BACH2: variants seen among roughly 807,000 people sequenced by gnomAD.
The protein encoded by BACH2 is BACH transcriptional regulator 2, also known as transcription regulator protein BACH2.
In BACH2, 5 loss-of-function variants were observed where a neutral mutation model predicts 61.8. The observed-to-expected ratio is 0.08, with a 90% CI of 0.04 to 0.17. The LOEUF is 0.17. BACH2 is among the 10% of genes least tolerant of loss of function. The pLI is 1.00. For missense variants in BACH2, 824 were observed against 1,091.1 expected (o/e 0.76, Z 3.45); for synonymous variants, 446 against 440.1 (o/e 1.01, Z -0.17).
At chr6:89,991,502 TATGTTTTC>T (rs1173769965) in intron 6 of BACH2, among the ~76,000 whole-genome samples, 1 of 152,074 alleles carries the variant, frequency 6.6e-6, no homozygotes, top group African/African-American at 2.4e-5. Flanking sequence ...CACACATGCA[TATGTTTTC>T]CCAGAACCAT....
chr6:90,155,632 TACA>T (rs1784970709), intron 4 of BACH2, among the ~76,000 whole-genome samples: 1 of 152,202 alleles, frequency 6.6e-6, no homozygotes, highest in South Asian at 2.1e-4. Context: ...ATAGGAGGCC[TACA>T]ACAAGCACCT....
At chr6:90,228,863 T>G (rs968464180) in intron 3 of BACH2, among the ~76,000 whole-genome samples, 2 of 152,216 alleles carry the variant, frequency 1.3e-5, no homozygotes, top group Non-Finnish European at 2.9e-5. Context: ...TATCACTGCA[T>G]GAGCCTAAGT....
At chr6:90,103,675 A>G (rs1285252221) in intron 4 of BACH2, among the ~76,000 whole-genome samples, 1 of 152,128 alleles carries the variant, frequency 6.6e-6, no homozygotes, top group Non-Finnish European at 1.5e-5. Context: ...TTCCTTGTGT[A>G]AACAGGTTGT....
chr6:90,213,162 A>G (rs1295141867), intron 3 of BACH2, among the ~76,000 whole-genome samples: 3 of 152,158 alleles, frequency 2.0e-5, no homozygotes, highest in African/African-American at 7.2e-5. Context: ...AGATGAGTGA[A>G]AGGTCAGGTC....
intron 4 of BACH2, among the ~76,000 whole-genome samples, chr6:90,136,078 T>C (rs1159174112): frequency 6.6e-6 from 1 of 152,180 alleles, no homozygotes; most frequent in Non-Finnish European, 1.5e-5. Context: ...CAGTTACCCT[T>C]CCTCAGACAT....
chr6:89,990,055 C>T (rs910017252), intron 6 of BACH2, among the ~76,000 whole-genome samples: 2 of 152,164 alleles, frequency 1.3e-5, no homozygotes, highest in African/African-American at 4.8e-5. Flanking sequence ...CCAGCTCAAC[C>T]TTGCGGGGCC....
At chr6:89,990,389 C>G (rs1172006624) in intron 6 of BACH2, among the ~76,000 whole-genome samples, 4 of 152,170 alleles carry the variant, frequency 2.6e-5, no homozygotes, top group African/African-American at 9.7e-5. Context: ...TAAGCTTTTG[C>G]CTTTTTCATC....
intron 4 of BACH2, among the ~76,000 whole-genome samples, chr6:90,138,631 G>A (rs1428926348): frequency 2.0e-5 from 3 of 152,058 alleles, no homozygotes; most frequent in Non-Finnish European, 4.4e-5. Flanking sequence ...ATAGCTTGGA[G>A]ATGACAAGCC....
At chr6:90,109,518 T>C (rs1783073995) in intron 4 of BACH2, among the ~76,000 whole-genome samples, 1 of 152,196 alleles carries the variant, frequency 6.6e-6, no homozygotes. Flanking sequence ...ACCTATATGC[T>C]GAAGTCTCTC....
At chr6:90,050,850 A>T (rs1780011403) in intron 5 of BACH2, among the ~76,000 whole-genome samples, 1 of 151,608 alleles carries the variant, frequency 6.6e-6, no homozygotes, top group Admixed American at 6.6e-5. Context: ...GTTCACTGCA[A>T]CCTCCATCTC....
At chr6:89,970,341 C>T (rs1340882482) in intron 6 of BACH2, among the ~76,000 whole-genome samples, 2 of 152,270 alleles carry the variant, frequency 1.3e-5, no homozygotes, top group African/African-American at 2.4e-5. Flanking sequence ...TGACTCTTGG[C>T]GGGCAGAGCA....
intron 3 of BACH2, among the ~76,000 whole-genome samples, chr6:90,228,600 T>C (rs1367299727): frequency 6.6e-6 from 1 of 152,004 alleles, no homozygotes; most frequent in Non-Finnish European, 1.5e-5. Context: ...ATTACAAAAA[T>C]TAGCCAGGCT....
intron 4 of BACH2, among the ~76,000 whole-genome samples, chr6:90,110,763 T>C (rs905684970): frequency 6.6e-6 from 1 of 152,200 alleles, no homozygotes; most frequent in Non-Finnish European, 1.5e-5. Context: ...TTTTAAGTCA[T>C]ATTGGCATTC....
intron 5 of BACH2, among the ~76,000 whole-genome samples, chr6:90,010,210 C>T (rs915584693): frequency 2.0e-5 from 3 of 152,196 alleles, no homozygotes; most frequent in African/African-American, 7.2e-5. Flanking sequence ...ACAAATCCAT[C>T]ATCACCAAAA....
intron 5 of BACH2, among the ~76,000 whole-genome samples, chr6:90,067,873 G>A (rs375461512): frequency 1.3e-5 from 2 of 152,056 alleles, no homozygotes; most frequent in East Asian, 3.8e-4. Context: ...CTAGTCCCCA[G>A]AGTATACCAC....
At position 89,951,323 on chromosome 6, in the gene BACH2, G is replaced by C; in HGVS notation, c.783C>G (p.Asn261Lys). Residue 261 changes from asparagine (N) to lysine (K), a missense_variant, in exon 7 of 9, where the codon AAC (asparagine) becomes AAG (lysine). Asn to Lys is a moderately conservative substitution (Grantham distance 94). Transcript: ENST00000257749. The surrounding 1 kb of genome is among the most constrained non-coding windows in gnomAD (Gnocchi z 6.4). ...GCCCCGGCTTGAGGCTGTTGCTAGA[G>C]TTATCTTCCCGGAATGTGCTTGCAA... ...SGFASTFRED[N>K]SSNSLKPGLA... 4 of 1,614,228 alleles carry C rather than the reference G, an allele frequency of 2.5e-6. No individual in the cohort carries two copies. The highest frequency in any genetic ancestry group is 3.4e-6 in the Non-Finnish European group (4 of 1,180,038).
At chr6:90,171,730 T>C (rs1226311500) in intron 4 of BACH2, among the ~76,000 whole-genome samples, 1 of 152,210 alleles carries the variant, frequency 6.6e-6, no homozygotes, top group South Asian at 2.1e-4. Context: ...AGCTATTGAA[T>C]GTATTGAACA....
chr6:90,205,216 T>C (rs1256809593), intron 4 of BACH2, among the ~76,000 whole-genome samples: 1 of 152,166 alleles, frequency 6.6e-6, no homozygotes, highest in East Asian at 1.9e-4. Context: ...AGAGATTCCA[T>C]ATGCTCTTTT....
rs1358469076 is a variant in BACH2, at chr6:89,927,617, C to T, written c.*4791G>A. 1 of 152,806 alleles carries T rather than the reference C, an allele frequency of 6.5e-6. No individual in the cohort carries two copies. Among genetic ancestry groups the T allele is most frequent in the Non-Finnish European group, 1.5e-5 (1 of 68,044 alleles). The allele number at this position is 152,806 out of a possible 1,614,324, so 9.5% of individuals were successfully genotyped here. A position where few individuals can be genotyped will look rare whatever the true frequency, so the allele number is the denominator to read the frequency against. On this transcript the variant is annotated 3_prime_UTR_variant, in exon 9 of 9. Coordinates refer to ENST00000257749, the MANE Select transcript of BACH2 (RefSeq NM_021813.4). ...GCAAAATGCATACACCGTGTCACAACATTAAATCAAAGCTATGAAAGTTGG... is the reference window on the plus strand; with the variant it reads ...GCAAAATGCATACACCGTGTCACAATATTAAATCAAAGCTATGAAAGTTGG...
Sources: allele counts gnomAD v4.1 joint callset (sites outside exome capture counted in the v4.1 genomes callset), GRCh38; gene constraint gnomAD v4.1.1; non-coding constraint Gnocchi (gnomAD v3.1); transcripts MANE v1.5; gene names NCBI Gene and HGNC (gene_info 2026-07-23, HGNC 2026-07-21).